The following TMEM217 variants were observed in gnomAD, a reference collection of about 807,000 sequenced individuals.
TMEM217 encodes the protein transmembrane protein 217.
For synonymous variants in TMEM217, 76 were observed against 88.3 expected (o/e 0.86, Z 0.78); for missense variants, 204 against 248.8 (o/e 0.82, Z 1.21).
chr6:37,251,164 A>G (rs558595654), intron 1 of TMEM217, among the ~76,000 whole-genome samples: 15 of 152,344 alleles, frequency 9.8e-5, no homozygotes, highest in African/African-American at 3.6e-4. Flanking sequence ...TGCTGTTTAC[A>G]AGCTACCCAA....
chr6:37,222,776 C>A (rs1029370525), intron 1 of TMEM217, among the ~76,000 whole-genome samples: 1 of 152,210 alleles, frequency 6.6e-6, no homozygotes, highest in Non-Finnish European at 1.5e-5. Flanking sequence ...TTGGTTTGGG[C>A]GGCTGCAGTA....
chr6:37,253,421 A>G (rs573747234), intron 1 of TMEM217, among the ~76,000 whole-genome samples: 1 of 152,290 alleles, frequency 6.6e-6, no homozygotes, highest in Non-Finnish European at 1.5e-5. Flanking sequence ...CCCAAATTCT[A>G]AAAACTTTCT....
chr6:37,256,757 T>A (rs1287295924), intron 1 of TMEM217, among the ~76,000 whole-genome samples: 1 of 60,040 alleles, frequency 1.7e-5, no homozygotes, highest in East Asian at 4.8e-4. Flanking sequence ...GGGGTGGGGG[T>A]GGGGGACACG....
chr6:37,234,875 T>C (rs1346222055), intron 1 of TMEM217, among the ~76,000 whole-genome samples: 3 of 152,090 alleles, frequency 2.0e-5, no homozygotes, highest in Non-Finnish European at 4.4e-5. Flanking sequence ...AAAAGAGAAA[T>C]GCTGGTTTTA....
chr6:37,256,010 T>C (rs908373888), intron 1 of TMEM217, among the ~76,000 whole-genome samples: 1 of 152,196 alleles, frequency 6.6e-6, no homozygotes, highest in Non-Finnish European at 1.5e-5. Context: ...TAACATTTCA[T>C]AGAAGATTAA....
intron 1 of TMEM217, among the ~76,000 whole-genome samples, chr6:37,221,373 G>C (rs1763515538): frequency 6.6e-6 from 1 of 152,026 alleles, no homozygotes; most frequent in Admixed American, 6.6e-5. Flanking sequence ...TTTTAGTAGA[G>C]ACGGGGTTTC....
chr6:37,248,379 T>C lies in TMEM217; in HGVS notation c.-12+9189A>G, dbSNP rs190517025. On this transcript the variant is annotated intron_variant, in intron 1 of 1. Coordinates refer to ENST00000357219, the Ensembl canonical transcript of TMEM217. ...GGCAATGATCTGGTGCAGTGCTGCA[T>C]TGAATTGAGGTCAACCTGAGGCAAA... 3.1e-3 allele frequency among the ~76,000 whole-genome samples: 465 copies of C among 152,360 alleles called. 3 individuals carry two copies. The highest frequency in any genetic ancestry group is 3.3e-3 in the Non-Finnish European group (224 of 68,036).
intron 1 of TMEM217, among the ~76,000 whole-genome samples, chr6:37,225,094 G>T (rs1443446435): frequency 6.6e-6 from 1 of 151,848 alleles, no homozygotes; most frequent in African/African-American, 2.4e-5. Context: ...CAGCTACTCC[G>T]GAGGCTGAGG....
chr6:37,248,149 C>T (rs553429043), intron 1 of TMEM217, among the ~76,000 whole-genome samples: 4 of 152,224 alleles, frequency 2.6e-5, no homozygotes, highest in South Asian at 4.1e-4. Flanking sequence ...CACTCTGTGT[C>T]TTCTTAGGAC....
chr6:37,222,000 A>AT (rs982575624), intron 1 of TMEM217, among the ~76,000 whole-genome samples: 1 of 152,002 alleles, frequency 6.6e-6, no homozygotes, highest in Non-Finnish European at 1.5e-5. Flanking sequence ...TGGTCCTCCC[A>AT]TTGTCTCCTG....
chr6:37,241,973 G>C (rs1405687502), intron 1 of TMEM217, among the ~76,000 whole-genome samples: 1 of 150,320 alleles, frequency 6.7e-6, no homozygotes, highest in East Asian at 1.9e-4. Context: ...GTTTTGGCCT[G>C]CTTCCTCAGG....
chr6:37,224,228 C>G (rs1274707468), intron 1 of TMEM217, among the ~76,000 whole-genome samples: 1 of 151,350 alleles, frequency 6.6e-6, no homozygotes, highest in Non-Finnish European at 1.5e-5. Context: ...CGTGAGCCAC[C>G]GCGCCCGGCC....
At chr6:37,246,902 CAAA>C (rs61372547) in intron 1 of TMEM217, among the ~76,000 whole-genome samples, 3 of 142,006 alleles carry the variant, frequency 2.1e-5, no homozygotes, top group Non-Finnish European at 3.1e-5. Flanking sequence ...GACTCTGTCT[CAAA>C]AAAAAAAAAA....
intron 1 of TMEM217, among the ~76,000 whole-genome samples, chr6:37,219,392 T>A (rs1489259338): frequency 1.3e-5 from 2 of 152,220 alleles, no homozygotes; most frequent in African/African-American, 2.4e-5. Context: ...AACTTCCTAG[T>A]AATTTTCGTA....
downstream of TMEM217, chr6:37,212,832 C>A (rs540886290): frequency 3.4e-5 from 36 of 1,069,498 alleles, no homozygotes; most frequent in Non-Finnish European, 4.4e-5. Context: ...TGACTAGCTC[C>A]GACTTTGAGT....
exon 2 of TMEM217, chr6:37,217,698 G>A (rs1171183667): frequency 5.1e-6 from 5 of 984,944 alleles, no homozygotes; most frequent in African/African-American, 1.7e-5. Context: ...AAGACACAGT[G>A]GGGAAATCAT....
At chr6:37,242,266 A>G (rs1042636791) in intron 1 of TMEM217, among the ~76,000 whole-genome samples, 16 of 152,318 alleles carry the variant, frequency 1.1e-4, no homozygotes, top group Non-Finnish European at 1.2e-4. Flanking sequence ...GGGGTCTGGG[A>G]GAGAGTCAAA....
intron 1 of TMEM217, among the ~76,000 whole-genome samples, chr6:37,244,780 G>A (rs990746110): frequency 5.9e-5 from 9 of 152,222 alleles, no homozygotes; most frequent in African/African-American, 2.2e-4. Flanking sequence ...GCTGGGCTGG[G>A]CTGAGCTGAG....
chr6:37,233,778 G>A (rs187416156), intron 1 of TMEM217, among the ~76,000 whole-genome samples: 84 of 152,206 alleles, frequency 5.5e-4, no homozygotes, highest in Non-Finnish European at 2.4e-4. Context: ...AACTAACGAA[G>A]TTACTAACTA....
Sources: allele counts gnomAD v4.1 joint callset (sites outside exome capture counted in the v4.1 genomes callset), GRCh38; gene constraint gnomAD v4.1.1; transcripts MANE v1.5; gene names NCBI Gene and HGNC (gene_info 2026-07-23, HGNC 2026-07-21).